The following GPC6 variants were observed in gnomAD, a reference collection of about 807,000 sequenced individuals.
GPC6 encodes glypican 6, also known as glypican-6.
A neutral mutation model predicts 55.2 loss-of-function variants in GPC6; 14 were observed. That is an observed-to-expected ratio of 0.25 (90% CI 0.17 to 0.40). The LOEUF is 0.40. Among genes scored for constraint, GPC6 ranks in the 10% least tolerant of loss-of-function variants. GPC6 has a pLI of 1.00. For synonymous variants in GPC6, 278 were observed against 259.6 expected (o/e 1.07, Z -0.68); for missense variants, 641 against 708.5 (o/e 0.90, Z 1.08).
intron 7 of GPC6, 137 bp downstream of exon 7, chr13:94,382,687 C>A (rs1880219872): frequency 8.7e-7 from 1 of 1,151,790 alleles, no homozygotes. Context: ...TTAGCAACAG[C>A]TGTTGAGAGT....
intron 2 of GPC6, among the ~76,000 whole-genome samples, chr13:93,705,133 G>A (rs1481036161): frequency 6.6e-6 from 1 of 151,916 alleles, no homozygotes; most frequent in Non-Finnish European, 1.5e-5. Context: ...TTGGTCTGGA[G>A]CAGTTACAAA....
At chr13:93,410,627 T>A (rs2139244149) in intron 1 of GPC6, among the ~76,000 whole-genome samples, 1 of 152,308 alleles carries the variant, frequency 6.6e-6, no homozygotes, top group African/African-American at 2.4e-5. Flanking sequence ...TTTTCGTTTC[T>A]AAGACTACTA....
intron 2 of GPC6, among the ~76,000 whole-genome samples, chr13:93,792,961 TC>T (rs1886092636): frequency 6.6e-6 from 1 of 152,168 alleles, no homozygotes; most frequent in African/African-American, 2.4e-5. Context: ...TTCTGAACTT[TC>T]TGACCCCCAT....
In GPC6 at chr13:93,462,632, A is replaced by G. The variant is rs1247563351; in HGVS notation, c.161-82631A>G. ...AAAAAAAATCCACTTAAATTTTGTA[A>G]AAATTGAAAAAAAAAACAACTAAGG... On this transcript the variant is annotated intron_variant, in intron 1 of 8. Coordinates refer to ENST00000377047, the MANE Select transcript of GPC6 (RefSeq NM_005708.5). 3.5e-5 allele frequency among the ~76,000 whole-genome samples: 5 copies of G among 144,388 alleles called. No individual in the cohort carries two copies. The East Asian group carries it at 1.0e-3, about 29-fold the overall frequency. The allele number at this position is 144,388 out of a possible 152,430, so 94.7% of individuals were successfully genotyped here. A position where few individuals can be genotyped will look rare whatever the true frequency, so the allele number is the denominator to read the frequency against.
At chr13:93,387,912 T>C (rs1037489443) in intron 1 of GPC6, among the ~76,000 whole-genome samples, 1 of 152,198 alleles carries the variant, frequency 6.6e-6, no homozygotes, top group Non-Finnish European at 1.5e-5. Flanking sequence ...TCATCAGTTT[T>C]ATTTATACTA....
At chr13:93,281,916 T>C (rs1757949885) in intron 1 of GPC6, among the ~76,000 whole-genome samples, 1 of 152,206 alleles carries the variant, frequency 6.6e-6, no homozygotes, top group South Asian at 2.1e-4. Context: ...ACAAAAAAGA[T>C]GAACATTTTC....
intron 6 of GPC6, among the ~76,000 whole-genome samples, chr13:94,376,981 A>C (rs1879895199): frequency 1.3e-5 from 2 of 151,740 alleles, no homozygotes; most frequent in South Asian, 2.1e-4. Context: ...TGGTGCTGGG[A>C]AAACTGGCTA....
At position 93,297,249 on chromosome 13, in the gene GPC6, A is replaced by G. The variant is rs541838807; in HGVS notation, c.160+69633A>G. Among the ~76,000 whole-genome samples the G allele has an allele frequency of 2.0e-5, 3 of 152,222 alleles. No homozygotes were observed. The South Asian group carries it at 6.2e-4, about 32-fold the overall frequency. On this transcript the variant is annotated intron_variant, in intron 1 of 8. Coordinates refer to ENST00000377047, the MANE Select transcript of GPC6 (RefSeq NM_005708.5). ...GGAGTTCAAGACCAGCCTTGGCACT[A>G]TGTTTGGTTCTATGTTTAGTGAGAC...
intron 7 of GPC6, among the ~76,000 whole-genome samples, chr13:94,390,230 C>A (rs7986090): frequency 6.6e-6 from 1 of 151,930 alleles, no homozygotes; most frequent in Non-Finnish European, 1.5e-5. Context: ...GTGACTTGGC[C>A]GTCTTGAGGA....
At chr13:93,247,031 AAC>A (rs2139023129) in intron 1 of GPC6, among the ~76,000 whole-genome samples, 1 of 151,242 alleles carries the variant, frequency 6.6e-6, no homozygotes, top group Non-Finnish European at 1.5e-5. Flanking sequence ...CCAAATATTT[AAC>A]AAAAATTTTA....
chr13:94,260,910 G>C (rs1891637729), intron 4 of GPC6, among the ~76,000 whole-genome samples: 1 of 151,900 alleles, frequency 6.6e-6, no homozygotes, highest in Non-Finnish European at 1.5e-5. Flanking sequence ...ATTCAGGCTA[G>C]AACTAAAATA....
At chr13:93,742,040 C>A (rs1431545498) in intron 2 of GPC6, among the ~76,000 whole-genome samples, 4 of 152,118 alleles carry the variant, frequency 2.6e-5, no homozygotes, top group Non-Finnish European at 5.9e-5. Flanking sequence ...TTAGCCATAT[C>A]CTGTGTCAGG....
intron 3 of GPC6, among the ~76,000 whole-genome samples, chr13:93,985,866 C>A (rs76634145): frequency 6.6e-6 from 1 of 151,892 alleles, no homozygotes; most frequent in East Asian, 1.9e-4. Context: ...ACTAAAAAAT[C>A]GGGGCTTCTG....
intron 1 of GPC6, among the ~76,000 whole-genome samples, chr13:93,243,341 A>T (rs1163351385): frequency 2.0e-5 from 3 of 152,166 alleles, no homozygotes; most frequent in Non-Finnish European, 4.4e-5. Context: ...ATGGTTATTC[A>T]CATTCACCTG....
At chr13:93,832,423 T>C (rs1440084484) in intron 3 of GPC6, among the ~76,000 whole-genome samples, 1 of 152,052 alleles carries the variant, frequency 6.6e-6, no homozygotes, top group African/African-American at 2.4e-5. Context: ...TTGATTTTGT[T>C]GAAGGATAAA....
chr13:93,615,747 C>G (rs1481436428), intron 2 of GPC6, among the ~76,000 whole-genome samples: 1 of 152,060 alleles, frequency 6.6e-6, no homozygotes, highest in Non-Finnish European at 1.5e-5. Context: ...ACAGACTTGG[C>G]CTTGGTTCCA....
chr13:94,394,996 G>A (rs1018856999), intron 7 of GPC6, among the ~76,000 whole-genome samples: 1 of 152,126 alleles, frequency 6.6e-6, no homozygotes, highest in African/African-American at 2.4e-5. Flanking sequence ...AACAAAGCTC[G>A]CCTCTGACTC....
chr13:93,488,337 C>T (rs1025342353), intron 1 of GPC6, among the ~76,000 whole-genome samples: 3 of 152,092 alleles, frequency 2.0e-5, no homozygotes, highest in Admixed American at 1.3e-4. Context: ...CCATGGTGTA[C>T]ATGTGCCACA....
intron 1 of GPC6, among the ~76,000 whole-genome samples, chr13:93,469,494 A>C (rs1454244772): frequency 3.3e-5 from 5 of 152,182 alleles, no homozygotes; most frequent in Non-Finnish European, 7.4e-5. Context: ...AATTTTATAA[A>C]GCCAAGTTTA....
Sources: gnomAD v4.1 joint callset for allele counts (sites outside exome capture counted in the v4.1 genomes callset) on GRCh38, gnomAD v4.1.1 for gene constraint, MANE v1.5 for transcripts, NCBI Gene and HGNC (gene_info 2026-07-23, HGNC 2026-07-21) for gene names.